RFT1: variants seen among roughly 807,000 people sequenced by gnomAD.
The protein encoded by RFT1 is man(5)GlcNAc(2)-PP-dolichol translocation protein RFT1.
In RFT1, 43 loss-of-function variants were observed where a neutral mutation model predicts 62.2. That is an observed-to-expected ratio of 0.69 (90% CI 0.54 to 0.89). The LOEUF is 0.89. Among genes scored for constraint, RFT1 ranks in the 40% least tolerant of loss-of-function variants. The probability of loss-of-function intolerance (pLI) is 0.00; values close to 1 mark genes in which losing one functional copy is unlikely to be tolerated. For missense variants in RFT1, 605 were observed against 649.9 expected (o/e 0.93, Z 0.75); for synonymous variants, 262 against 264.6 (o/e 0.99, Z 0.10).
At chr3:53,072,961 G>A in the RFT1 span, among the ~76,000 whole-genome samples, 13 of 152,218 alleles carry the variant, frequency 8.5e-5, no homozygotes, top group African/African-American at 2.9e-4. Flanking sequence ...GGCATTTCCT[G>A]GGGGTGAAGC....
chr3:53,069,667 T>C, the RFT1 span, among the ~76,000 whole-genome samples: 1 of 152,252 alleles, frequency 6.6e-6, no homozygotes, highest in East Asian at 1.9e-4. Flanking sequence ...CAAGTGCCTA[T>C]GCTGGGGGTG....
the RFT1 span, among the ~76,000 whole-genome samples, chr3:53,067,661 G>C: frequency 2.9e-3 from 437 of 152,324 alleles, 3 homozygotes; most frequent in African/African-American, 0.01. Context: ...CTCAGTAAGA[G>C]AATAAGCCTC....
chr3:53,098,913 T>A (rs981628903), intron 11 of RFT1, among the ~76,000 whole-genome samples: 4 of 151,648 alleles, frequency 2.6e-5, no homozygotes, highest in African/African-American at 9.7e-5. Context: ...GATGTATGTG[T>A]GCACTTGGGC....
At chr3:53,096,905 C>T (rs558485090) in intron 11 of RFT1, among the ~76,000 whole-genome samples, 2 of 152,016 alleles carry the variant, frequency 1.3e-5, no homozygotes, top group East Asian at 3.9e-4. Context: ...CCCCTACGCC[C>T]AGCTAATTTT....
chr3:53,094,351 GCACACACACACACACA>G (rs55637878), intron 11 of RFT1, among the ~76,000 whole-genome samples: 1 of 149,802 alleles, frequency 6.7e-6, no homozygotes, highest in Non-Finnish European at 1.5e-5. Flanking sequence ...AATACTACAC[GCACACACACACACACA>G]CACACACACA....
rs1700949386 is a variant in RFT1 at position 53,090,059 on chromosome 3, C to A, written c.*1844G>T. On this transcript the variant is annotated 3_prime_UTR_variant, in exon 13 of 13. Transcript: ENST00000296292. ...TGGCATCAAAGCCACGTGGGCTTGC[C>A]AGAAAAGCCAATCTCAGAGCCCTCC... The A allele has an allele frequency of 2.0e-5, 3 of 152,714 alleles. No individual in the cohort carries two copies. The allele number at this position is 152,714 out of a possible 1,614,324, so 9.5% of individuals were successfully genotyped here. A position where few individuals can be genotyped will look rare whatever the true frequency, so the allele number is the denominator to read the frequency against.
At chr3:53,107,417 G>GT (rs1464664757) in intron 7 of RFT1, among the ~76,000 whole-genome samples, 1 of 152,086 alleles carries the variant, frequency 6.6e-6, no homozygotes, top group Non-Finnish European at 1.5e-5. Context: ...GATTACAGGC[G>GT]TAAGCCACCA....
chr3:53,130,339 T>C lies in RFT1; in HGVS notation c.62A>G (p.Gln21Arg). ...ARLASSGLLL[Q>R]VLFRLITFVL... is the part of the protein sequence containing the mutation. Reference sequence around the variant, plus strand: ...TGGAACCTGAAGGGCAGAGAGTACCTGCAGGAGGAGACCGGAGGAGGCCAG... The same window carrying C: ...TGGAACCTGAAGGGCAGAGAGTACCCGCAGGAGGAGACCGGAGGAGGCCAG... The change falls in exon 1 of 13, where the codon CAG (glutamine) becomes CGG (arginine). Residue 21 changes from glutamine (Q) to arginine (R), a missense_variant and splice_region_variant. Physicochemically the swap from Gln to Arg is conservative, Grantham distance 43. Coordinates refer to ENST00000296292, the MANE Select transcript of RFT1 (RefSeq NM_052859.4). 1.9e-6 allele frequency: 3 copies of C among 1,568,270 alleles called. No homozygotes were observed. The highest frequency in any genetic ancestry group is 4.7e-5 in the East Asian group (2 of 42,190).
In RFT1 at chr3:53,099,471, C is replaced by A; in HGVS notation, c.1118G>T (p.Arg373Leu). 4.3e-6 allele frequency: 7 copies of A among 1,613,822 alleles called. No homozygotes were observed. Among genetic ancestry groups the A allele is most frequent in the Non-Finnish European group, 5.9e-6 (7 of 1,179,864 alleles). ...CAGGAGAACATAGAGACAGTAGGAA[C>A]GCAGCAAAACAGGACCTACAAGGAA... ...LSSGSGPVLLRSYCLYVLLLA... is the reference protein window; with the variant it reads ...LSSGSGPVLLLSYCLYVLLLA... Residue 373 changes from arginine (R) to leucine (L), a missense_variant, in exon 11 of 13, where the codon CGT (arginine) becomes CTT (leucine). Coordinates refer to ENST00000296292, the MANE Select transcript of RFT1 (RefSeq NM_052859.4).
downstream of RFT1, among the ~76,000 whole-genome samples, chr3:53,084,812 G>C (rs1003962616): frequency 6.6e-6 from 1 of 152,222 alleles, no homozygotes; most frequent in African/African-American, 2.4e-5. Flanking sequence ...TGGAGGGAGA[G>C]AAGAAATGTG....
chr3:53,080,464 C>T, the RFT1 span, among the ~76,000 whole-genome samples: 2 of 152,180 alleles, frequency 1.3e-5, no homozygotes, highest in South Asian at 2.1e-4. Flanking sequence ...CCTGCAGCTT[C>T]GTCTTTCAGG....
At chr3:53,072,916 T>G in the RFT1 span, among the ~76,000 whole-genome samples, 1 of 141,052 alleles carries the variant, frequency 7.1e-6, no homozygotes, top group East Asian at 1.9e-4. Flanking sequence ...CCGCCCTCTC[T>G]GCCTGCTCTA....
intron 11 of RFT1, among the ~76,000 whole-genome samples, chr3:53,094,552 G>T (rs1269357210): frequency 6.6e-6 from 1 of 151,916 alleles, no homozygotes; most frequent in Non-Finnish European, 1.5e-5. Flanking sequence ...GATCAGAAAG[G>T]TCAACTTCAG....
chr3:53,084,288 T>A (rs1010127804), downstream of RFT1, among the ~76,000 whole-genome samples: 11 of 152,234 alleles, frequency 7.2e-5, no homozygotes, highest in Admixed American at 2.0e-4. Flanking sequence ...CTGGCACCCC[T>A]TATGCCATTC....
In RFT1 at chr3:53,094,778, C is replaced by T. The variant is rs954992855; in HGVS notation, c.1209-2160G>A. On this transcript the variant is annotated intron_variant, in intron 11 of 12. Transcript: ENST00000296292. ...GAATAAAGCCAATAGTTAATTCATG[C>T]TAATTCAAGCAGAGACGCATTCGAC... Among the ~76,000 whole-genome samples, 4 of 151,724 alleles carry T rather than the reference C, an allele frequency of 2.6e-5. No homozygotes were observed. In the East Asian group the frequency reaches 7.8e-4, roughly 30 times the overall value.
At chr3:53,114,105 C>T (rs542778744) in intron 6 of RFT1, among the ~76,000 whole-genome samples, 1 of 152,322 alleles carries the variant, frequency 6.6e-6, no homozygotes, top group East Asian at 1.9e-4. Flanking sequence ...CTTCCTACCA[C>T]TAGGGGGCAC....
At chr3:53,070,744 A>T in the RFT1 span, among the ~76,000 whole-genome samples, 63 of 151,602 alleles carry the variant, frequency 4.2e-4, 1 homozygote, top group African/African-American at 1.2e-3. Flanking sequence ...TAATTTTAAA[A>T]GTTTTTTTTT....
rs984831777 is a variant in RFT1, at chr3:53,103,804, G to A, written c.1102+149C>T. ...CTTGAGTGTGTGTCTGGAGTTGAAC[G>A]AGGGGAACAGTCCCACAGCCCCTGC... On this transcript the variant is annotated intron_variant, in intron 10 of 12. Transcript: ENST00000296292. 34 of 966,430 alleles carry A rather than the reference G, an allele frequency of 3.5e-5. No individual in the cohort carries two copies. The African/African-American group carries it at 4.7e-4, about 13-fold the overall frequency. 59.9% of individuals were successfully genotyped at this position (966,430 alleles called of 1,614,324 possible). A position where few individuals can be genotyped will look rare whatever the true frequency, so the allele number is the denominator to read the frequency against.
At chr3:53,121,639 G>A in intron 5 of RFT1, 60 bp downstream of exon 5, 1 of 1,359,360 alleles carries the variant, frequency 7.4e-7, no homozygotes, top group Non-Finnish European at 1.0e-6. Context: ...GTGGGAACAA[G>A]AAGAAAAACC....
Sources: gnomAD v4.1 joint callset for allele counts (sites outside exome capture counted in the v4.1 genomes callset) on GRCh38, gnomAD v4.1.1 for gene constraint, MANE v1.5 for transcripts, NCBI Gene and HGNC (gene_info 2026-07-23, HGNC 2026-07-21) for gene names.